Variants in ZBTB40 observed in about 807,000 individuals in gnomAD.
ZBTB40 encodes zinc finger and BTB domain containing 40, also known as zinc finger and BTB domain-containing protein 40.
In ZBTB40, 60 loss-of-function variants were observed where a neutral mutation model predicts 117.5. The ratio of observed to expected loss-of-function variants is 0.51; its 90% CI spans 0.41 to 0.63. The LOEUF (loss-of-function observed/expected upper bound fraction) is 0.63, where lower values mean the gene tolerates loss of function less well. ZBTB40 is among the 30% of genes least tolerant of loss of function. ZBTB40 has a pLI of 0.00. For synonymous variants in ZBTB40, 525 were observed against 577.1 expected, an observed-to-expected ratio of 0.91 and a Z score of 1.29; for missense variants, 1,287 against 1,498.5, an observed-to-expected ratio of 0.86 and a Z score of 2.33.
At chr1:22,429,380 CAA>C (rs1051660908) in intron 1 of ZBTB40, among the ~76,000 whole-genome samples, 1 of 135,642 alleles carries the variant, frequency 7.4e-6, no homozygotes. Flanking sequence ...GACTCCGCCT[CAA>C]AAAAAAAAAG....
At chr1:22,519,897 C>T (rs1181116749) in intron 13 of ZBTB40, among the ~76,000 whole-genome samples, 164 bp from the exon 14 acceptor site, 1 of 152,198 alleles carries the variant, frequency 6.6e-6, no homozygotes, top group African/African-American at 2.4e-5. Context: ...CAGGTGACTG[C>T]TACACTGATT....
chr1:22,447,657 T>C (rs1437725507), upstream of ZBTB40, among the ~76,000 whole-genome samples: 1 of 152,200 alleles, frequency 6.6e-6, no homozygotes, highest in Non-Finnish European at 1.5e-5. Context: ...GAGGGATTCA[T>C]AGGGTCAGGC....
At chr1:22,468,643 CTTTTTTTTTTTTTTT>C (rs71020424) in intron 1 of ZBTB40, among the ~76,000 whole-genome samples, 1 of 28,600 alleles carries the variant, frequency 3.5e-5, no homozygotes, top group African/African-American at 1.5e-4. Flanking sequence ...GCCTGGCTGG[CTTTTTTTTTTTTTTT>C]TTTTTTTTTT....
intron 16 of ZBTB40, among the ~76,000 whole-genome samples, 192 bp from the exon 17 acceptor site, chr1:22,524,026 T>C (rs1264048751): frequency 1.3e-5 from 2 of 152,152 alleles, no homozygotes; most frequent in African/African-American, 4.8e-5. Flanking sequence ...CAAGGCTCTG[T>C]CCTTGTCATT....
At chr1:22,464,893 C>T (rs890518857) in intron 1 of ZBTB40, among the ~76,000 whole-genome samples, 6 of 152,150 alleles carry the variant, frequency 3.9e-5, no homozygotes, top group Admixed American at 3.9e-4. Flanking sequence ...ATGTAATTTA[C>T]ATACCATAGA....
intron 1 of ZBTB40, among the ~76,000 whole-genome samples, chr1:22,462,002 A>C (rs1376276045): frequency 6.6e-6 from 1 of 152,172 alleles, no homozygotes; most frequent in Admixed American, 6.5e-5. Context: ...CACAGCCTTG[A>C]ACAAGTAGGA....
At chr1:22,503,281 G>C (rs1341025052) in intron 5 of ZBTB40, among the ~76,000 whole-genome samples, 1 of 151,148 alleles carries the variant, frequency 6.6e-6, no homozygotes, top group Non-Finnish European at 1.5e-5. Context: ...TTGCCCTTCA[G>C]GAAGGTTGTA....
intron 6 of ZBTB40, among the ~76,000 whole-genome samples, chr1:22,507,558 C>A (rs1364023971): frequency 2.0e-5 from 3 of 152,164 alleles, no homozygotes; most frequent in Admixed American, 1.3e-4. Context: ...AAAGAGAGAA[C>A]CTAACAAATT....
chr1:22,463,723 CCTT>C (rs1641187300), intron 1 of ZBTB40, among the ~76,000 whole-genome samples: 1 of 152,204 alleles, frequency 6.6e-6, no homozygotes, highest in African/African-American at 2.4e-5. Context: ...CTCAAAGCCT[CCTT>C]CTGTTATAAC....
chr1:22,486,511 G>C (rs1167371701), intron 1 of ZBTB40, among the ~76,000 whole-genome samples: 1 of 152,166 alleles, frequency 6.6e-6, no homozygotes, highest in Admixed American at 6.5e-5. Context: ...AAGCAAGAGG[G>C]GATTTTTCTT....
upstream of ZBTB40, chr1:22,451,763 A>G (rs905613891): frequency 2.0e-5 from 3 of 152,370 alleles, no homozygotes; most frequent in East Asian, 3.9e-4. Context: ...CCGTCCTAGC[A>G]TAGGTGGAGA....
Position 22,489,926 on chromosome 1 carries a change from G to A in ZBTB40, c.-23G>A. 6.2e-7 allele frequency: 1 copy of A among 1,606,294 alleles called. No individual in the cohort carries two copies. The highest frequency in any genetic ancestry group is 1.1e-5 in the South Asian group (1 of 90,976). ...CTCTAAGGAGAGGAGAGGAAGAGCAGTTCTTGGGGCAGAGTTGACGCAATG... is the reference window on the plus strand; with the variant it reads ...CTCTAAGGAGAGGAGAGGAAGAGCAATTCTTGGGGCAGAGTTGACGCAATG... On this transcript the variant is annotated 5_prime_UTR_variant, in exon 2 of 18. Coordinates refer to ENST00000375647, the MANE Select transcript of ZBTB40 (RefSeq NM_014870.4).
At chr1:22,434,320 AT>A (rs1264294472) in intron 1 of ZBTB40, among the ~76,000 whole-genome samples, 1 of 152,124 alleles carries the variant, frequency 6.6e-6, no homozygotes, top group African/African-American at 2.4e-5. Context: ...GTTCTTGTGA[AT>A]TTCTAGAAGC....
Position 22,508,055 on chromosome 1 carries a change from ACC to A in ZBTB40, c.1416_1417del (p.Ser474Ter). 1.2e-6 allele frequency: 2 copies of A among 1,613,472 alleles called. No homozygotes were observed. Among genetic ancestry groups the A allele is most frequent in the Non-Finnish European group, 1.7e-6 (2 of 1,179,932 alleles). ...GAGCTATTGAGACGCTATCATGAAA[ACC>A]TCTCTGAGATTTTCACAGACAACCA... On this transcript the variant is annotated frameshift_variant, in exon 7 of 18. Transcript: ENST00000375647. LOFTEE classifies it high-confidence loss of function.
chr1:22,457,041 G>GA (rs1189978333), intron 1 of ZBTB40, among the ~76,000 whole-genome samples: 2 of 152,192 alleles, frequency 1.3e-5, no homozygotes, highest in African/African-American at 4.8e-5. Context: ...GCTGAGGCAG[G>GA]AGGATCACTT....
intron 12 of ZBTB40, among the ~76,000 whole-genome samples, chr1:22,514,667 C>A (rs933033817): frequency 6.6e-6 from 1 of 152,202 alleles, no homozygotes; most frequent in Non-Finnish European, 1.5e-5. Flanking sequence ...CTCAGCACCC[C>A]ACCCCTGGTT....
intron 1 of ZBTB40, among the ~76,000 whole-genome samples, chr1:22,470,394 T>G (rs1641373156): frequency 6.6e-6 from 1 of 150,728 alleles, no homozygotes; most frequent in Non-Finnish European, 1.5e-5. Flanking sequence ...GAGAAAGGAG[T>G]GGGTGGGGGA....
chr1:22,495,592 A>G (rs1024886478), intron 3 of ZBTB40, among the ~76,000 whole-genome samples: 1 of 151,710 alleles, frequency 6.6e-6, no homozygotes, highest in African/African-American at 2.4e-5. Context: ...GTTCACTGCA[A>G]CCTCCACCTC....
At chr1:22,468,370 AT>A (rs1205487065) in intron 1 of ZBTB40, among the ~76,000 whole-genome samples, 1 of 149,990 alleles carries the variant, frequency 6.7e-6, no homozygotes, top group Admixed American at 6.6e-5. Context: ...TTCTTTAATT[AT>A]TCACCAGGCT....
Sources: gnomAD v4.1 joint callset for allele counts (sites outside exome capture counted in the v4.1 genomes callset) on GRCh38, gnomAD v4.1.1 for gene constraint, MANE v1.5 for transcripts, NCBI Gene and HGNC (gene_info 2026-07-23, HGNC 2026-07-21) for gene names.